Variants in CACNA1I observed in about 807,000 individuals in gnomAD.
CACNA1I encodes voltage-dependent T-type calcium channel subunit alpha-1I.
A neutral mutation model predicts 201.6 loss-of-function variants in CACNA1I; 74 were observed. That is an observed-to-expected ratio of 0.37 (90% CI 0.30 to 0.45). The LOEUF (loss-of-function observed/expected upper bound fraction) is 0.45. Among genes scored for constraint, CACNA1I ranks in the 20% least tolerant of loss-of-function variants. The probability of loss-of-function intolerance (pLI) is 1.00; values close to 1 mark genes in which losing one functional copy is unlikely to be tolerated. For missense variants in CACNA1I, 2,346 were observed against 3,138.1 expected, an observed-to-expected ratio of 0.75 and a Z score of 6.03; for synonymous variants, 1,431 against 1,345.2, an observed-to-expected ratio of 1.06 and a Z score of -1.40.
At chr22:39,638,136 T>C (rs1934264409) in intron 5 of CACNA1I, among the ~76,000 whole-genome samples, 1 of 152,212 alleles carries the variant, frequency 6.6e-6, no homozygotes, top group Admixed American at 6.5e-5. Context: ...GATGGGGTTT[T>C]GCCATGTTGG....
At chr22:39,585,122 C>T (rs772463828) in intron 1 of CACNA1I, among the ~76,000 whole-genome samples, 6 of 152,182 alleles carry the variant, frequency 3.9e-5, no homozygotes, top group Admixed American at 2.0e-4. Context: ...CGCAGTGGTG[C>T]AATCTCGGCT....
intron 4 of CACNA1I, among the ~76,000 whole-genome samples, chr22:39,622,519 A>G (rs1053823876): frequency 7.6e-5 from 11 of 145,556 alleles, no homozygotes; most frequent in African/African-American, 2.5e-4. Context: ...GGCATGGACC[A>G]TGTGCCTGAG....
chr22:39,684,280 C>T lies in CACNA1I; in HGVS notation c.5831-22C>T. On this transcript the variant is annotated intron_variant, in intron 35 of 36. Coordinates refer to ENST00000402142, the MANE Select transcript of CACNA1I (RefSeq NM_021096.4). This position sits in a 1 kb window ranked among gnomAD's most constrained non-coding sequence, Gnocchi z 4.6. ...CTGGCCTGAGCGTGCTCCCTCAGCT[C>T]TGTCTTCTCCTTTCCCAGCAGCACC... 1 of 1,611,086 alleles carries T rather than the reference C, an allele frequency of 6.2e-7. No individual in the cohort carries two copies. The highest frequency in any genetic ancestry group is 8.5e-7 in the Non-Finnish European group (1 of 1,178,394).
At chr22:39,571,094 T>C (rs1601783424) in intron 1 of CACNA1I, 106 bp downstream of exon 1, 1 of 1,012,760 alleles carries the variant, frequency 9.9e-7, no homozygotes, top group Admixed American at 1.8e-5. Flanking sequence ...AGACCTGAGG[T>C]CTGCGGTGAG....
chr22:39,685,303 G>C lies in CACNA1I; in HGVS notation c.6028-458G>C, dbSNP rs1185990853. 6.4e-6 allele frequency: 1 copy of C among 156,812 alleles called. No individual in the cohort carries two copies. The highest frequency in any genetic ancestry group is 1.4e-5 in the Non-Finnish European group (1 of 72,030). The allele number at this position is 156,812 out of a possible 1,614,324, so 9.7% of individuals were successfully genotyped here. On this transcript the variant is annotated intron_variant, in intron 36 of 36. Coordinates refer to ENST00000402142, the MANE Select transcript of CACNA1I (RefSeq NM_021096.4). This position sits in a 1 kb window ranked among gnomAD's most constrained non-coding sequence, Gnocchi z 5.0. Reference sequence around the variant, plus strand: ...AGGTGGGGGGCCCCGGGGTTGGGAGGTGGGGGGCTCTGGGGCTGGGAGGTG... The same window carrying C: ...AGGTGGGGGGCCCCGGGGTTGGGAGCTGGGGGGCTCTGGGGCTGGGAGGTG...
At chr22:39,590,404 TCCTGA>T (rs1189173890) in intron 1 of CACNA1I, among the ~76,000 whole-genome samples, 1 of 152,140 alleles carries the variant, frequency 6.6e-6, no homozygotes, top group Non-Finnish European at 1.5e-5. Context: ...GCATCTCTCT[TCCTGA>T]CCCCACTGCA....
intron 3 of CACNA1I, among the ~76,000 whole-genome samples, chr22:39,613,987 G>A (rs537887037): frequency 2.5e-4 from 38 of 152,268 alleles, no homozygotes; most frequent in South Asian, 1.9e-3. Context: ...ACAGGCGTGC[G>A]CCACCATGCC....
In CACNA1I at chr22:39,600,504, C is replaced by T; in HGVS notation, c.349-16C>T. Reference sequence around the variant, plus strand: ...ACCTCACCCTGTCCCTTGCTTCCCTCCTCCTGCCCCTGCAGGTCTTTGATG... The same window carrying T: ...ACCTCACCCTGTCCCTTGCTTCCCTTCTCCTGCCCCTGCAGGTCTTTGATG... On this transcript the variant is annotated splice_polypyrimidine_tract_variant and intron_variant, in intron 2 of 36. Transcript: ENST00000402142. 6.2e-7 allele frequency: 1 copy of T among 1,610,134 alleles called. No individual in the cohort carries two copies. The highest frequency in any genetic ancestry group is 8.5e-7 in the Non-Finnish European group (1 of 1,177,976).
intron 25 of CACNA1I, 110 bp downstream of exon 25, chr22:39,670,340 C>T (rs920257785): frequency 2.3e-5 from 26 of 1,125,834 alleles, no homozygotes; most frequent in East Asian, 1.3e-4. Context: ...AAAGATACAG[C>T]CCCTGTGCCC....
chr22:39,647,795 G>A, intron 8 of CACNA1I, 27 bp from the exon 9 acceptor site: 1 of 1,437,774 alleles, frequency 7.0e-7, no homozygotes, highest in Non-Finnish European at 9.8e-7. Flanking sequence ...GAAGGGAGAA[G>A]ATAGTAATAT....
intron 7 of CACNA1I, 113 bp downstream of exon 7, chr22:39,643,002 C>G: frequency 1.5e-6 from 1 of 667,664 alleles, no homozygotes; most frequent in Non-Finnish European, 2.6e-6. Flanking sequence ...CCAGGACAGC[C>G]GGGATGAGGG....
chr22:39,666,197 A>G lies in CACNA1I; in HGVS notation c.4104+191A>G, dbSNP rs1346535068. ...CTCTCAGGTGGGATGAGGCTTAGAG[A>G]GTCTGTGTGCAGAGTGCCCAGCAAA... On this transcript the variant is annotated intron_variant, in intron 23 of 36. Transcript: ENST00000402142. This position sits in a 1 kb window ranked among gnomAD's most constrained non-coding sequence, Gnocchi z 4.1. 2.0e-5 allele frequency among the ~76,000 whole-genome samples: 3 copies of G among 152,070 alleles called. No individual in the cohort carries two copies. Among genetic ancestry groups the G allele is most frequent in the Non-Finnish European group, 4.4e-5 (3 of 68,010 alleles).
rs755592685 is a variant in CACNA1I at position 39,649,778 on chromosome 22, G to A, written c.1845G>A (p.Ala615=). Residue 615 remains alanine (A), a synonymous_variant, in exon 10 of 37, where the codon GCG becomes GCA. Transcript: ENST00000402142. This position sits in a 1 kb window ranked among gnomAD's most constrained non-coding sequence, Gnocchi z 7.3. The part of the protein sequence containing the change: ...LGKEEEEEEQ[A]DGAVWLCGDV... ...AGGAGGAGGAGGAGGAGGAGCAGGC[G>A]GATGGGGCGGTCTGGCTGTGCGGGG... 95 of 1,607,888 alleles carry A rather than the reference G, an allele frequency of 5.9e-5. No individual in the cohort carries two copies. The East Asian group carries it at 7.2e-4, about 12-fold the overall frequency.
intron 3 of CACNA1I, among the ~76,000 whole-genome samples, chr22:39,615,010 G>C (rs2146387069): frequency 6.6e-6 from 1 of 152,350 alleles, no homozygotes; most frequent in South Asian, 2.1e-4. Flanking sequence ...GTGTAATTAG[G>C]AATTAATTTC....
Position 39,604,609 on chromosome 22 carries a change from A to G in CACNA1I, c.482+3956A>G, listed in dbSNP as rs147897176. Among the ~76,000 whole-genome samples, 173 of 152,208 alleles carry G rather than the reference A, an allele frequency of 1.1e-3. 6 individuals carry two copies. In the East Asian group the frequency reaches 0.017, roughly 15 times the overall value. Reference sequence around the variant, plus strand: ...GGAGACTTTTTTTTGAGGCAGTTTCATTCTGTCACCCAGGCTGGAGTGCAG... The same window carrying G: ...GGAGACTTTTTTTTGAGGCAGTTTCGTTCTGTCACCCAGGCTGGAGTGCAG... On this transcript the variant is annotated intron_variant, in intron 3 of 36. Transcript: ENST00000402142.
At chr22:39,642,940 AG>A in intron 7 of CACNA1I, 51 bp downstream of exon 7, 1 of 1,272,138 alleles carries the variant, frequency 7.9e-7, no homozygotes. Flanking sequence ...CCCATGGACC[AG>A]GGGACCTGAG....
Position 39,649,672 on chromosome 22 carries a change from G to A in CACNA1I, c.1739G>A (p.Gly580Glu). Reference protein sequence around the residue: ...TDSGQEGSGSGSSAGGEDEAD... With the variant: ...TDSGQEGSGSESSAGGEDEAD... ...TCGGGCCAGGAGGGCTCGGGCTCCG[G>A]GAGCTCCGCTGGTGGCGAGGACGAG... is the stretch of plus-strand genomic sequence containing the variant. Residue 580 changes from glycine (G) to glutamate (E), a missense_variant, in exon 10 of 37, where the codon GGG becomes GAG. Gly to Glu is a moderately conservative substitution (Grantham distance 98). Coordinates refer to ENST00000402142, the MANE Select transcript of CACNA1I (RefSeq NM_021096.4). The surrounding 1 kb of genome is among the most constrained non-coding windows in gnomAD (Gnocchi z 7.3). The A allele has an allele frequency of 6.6e-7, 1 of 1,514,858 alleles. No individual in the cohort carries two copies. Among genetic ancestry groups the A allele is most frequent in the East Asian group, 2.5e-5 (1 of 40,444 alleles). The allele number at this position is 1,514,858 out of a possible 1,614,324, so 93.8% of individuals were successfully genotyped here.
At chr22:39,598,085 T>C in intron 1 of CACNA1I, 66 bp from the exon 2 acceptor site, 6 of 904,166 alleles carry the variant, frequency 6.6e-6, no homozygotes, top group Non-Finnish European at 1.1e-5. Context: ...GGTATTACAC[T>C]CTAGGGTGCA....
rs1935043397 is a variant in CACNA1I, at chr22:39,662,218, A to G, written c.3155A>G (p.His1052Arg). The change falls in exon 17 of 37, where the codon CAC becomes CGC. Residue 1052 changes from histidine (H) to arginine (R), a missense_variant. Transcript: ENST00000402142. The part of the protein sequence containing the change: ...HGPHLAHRHR[H>R]HRRTLSLDNR... Reference sequence around the variant, plus strand: ...CCCCATCTGGCGCACCGCCACCGCCACCACCGCCGGACGCTGTCCCTCGAC... The same window carrying G: ...CCCCATCTGGCGCACCGCCACCGCCGCCACCGCCGGACGCTGTCCCTCGAC... 1 of 1,528,204 alleles carries G rather than the reference A, an allele frequency of 6.5e-7. No individual in the cohort carries two copies. The highest frequency in any genetic ancestry group is 8.8e-7 in the Non-Finnish European group (1 of 1,141,668). The allele number at this position is 1,528,204 out of a possible 1,614,324, so 94.7% of individuals were successfully genotyped here.
Sources: gnomAD v4.1 joint callset for allele counts (sites outside exome capture counted in the v4.1 genomes callset) on GRCh38, gnomAD v4.1.1 for gene constraint, Gnocchi (gnomAD v3.1) non-coding constraint, MANE v1.5 for transcripts, NCBI Gene and HGNC (gene_info 2026-07-23, HGNC 2026-07-21) for gene names.